NLE1: variants seen among roughly 807,000 people sequenced by gnomAD.
NLE1 encodes notchless homolog 1.
A neutral mutation model predicts 62.8 loss-of-function variants in NLE1; 37 were observed. That is an observed-to-expected ratio of 0.59 (90% CI 0.45 to 0.78). NLE1 has a LOEUF of 0.78. Among genes scored for constraint, NLE1 ranks in the 30% least tolerant of loss-of-function variants. The pLI is 0.00. For missense variants in NLE1, 555 were observed against 637.9 expected, an observed-to-expected ratio of 0.87 and a Z score of 1.40; for synonymous variants, 243 against 253.0, an observed-to-expected ratio of 0.96 and a Z score of 0.37.
intron 9 of NLE1, 123 bp from the exon 10 acceptor site, chr17:35,135,574 A>G (rs2091903602): frequency 1.3e-6 from 1 of 791,930 alleles, no homozygotes; most frequent in Admixed American, 2.3e-5. Context: ...GGCCAGCGCT[A>G]GGAGCAATGA....
At position 35,133,480 on chromosome 17, in the gene NLE1, G is replaced by A. The variant is rs147757651; in HGVS notation, c.1233C>T (p.Arg411=). Residue 411 remains arginine, a synonymous_variant, in exon 11 of 13, where the codon CGC becomes CGT. Coordinates refer to ENST00000442241, the MANE Select transcript of NLE1 (RefSeq NM_018096.5). ...TCTGGTACACGGCAGCCACGTGGCC[G>A]CGTAGGGAAGCCAGGTACCTGGTCC... ...GRTGKYLASL[R]GHVAAVYQIA... The A allele has an allele frequency of 2.1e-5, 34 of 1,612,456 alleles. No individual in the cohort carries two copies. The highest frequency in any genetic ancestry group is 8.0e-5 in the African/African-American group (6 of 75,042).
In NLE1 at chr17:35,135,756, T is replaced by C. The variant is rs1046333825; in HGVS notation, c.1012-305A>G. 2.0e-5 allele frequency among the ~76,000 whole-genome samples: 3 copies of C among 152,226 alleles called. No individual in the cohort carries two copies. In the East Asian group the frequency reaches 5.8e-4, roughly 29 times the overall value. ...TTATGTATGTATGCATGTGTGTGTG[T>C]GCTTATACATATATACTGTATATAG... On this transcript the variant is annotated intron_variant, in intron 9 of 12. Coordinates refer to ENST00000442241, the MANE Select transcript of NLE1 (RefSeq NM_018096.5).
rs550657514 is a variant in NLE1, at chr17:35,137,257, C to A, written c.636-64G>T. ...CAACATCTGTGTGCCCATGGCACCT[C>A]CCCATTCCCAACTTAAAGGCCATGG... On this transcript the variant is annotated intron_variant, in intron 6 of 12. Coordinates refer to ENST00000442241, the MANE Select transcript of NLE1 (RefSeq NM_018096.5). 7.0e-6 allele frequency: 10 copies of A among 1,422,546 alleles called. No individual in the cohort carries two copies. In the East Asian group the frequency reaches 2.2e-4, roughly 31 times the overall value. 88.1% of individuals were successfully genotyped at this position (1,422,546 alleles called of 1,614,324 possible). A position where few individuals can be genotyped will look rare whatever the true frequency, so the allele number is the denominator to read the frequency against.
At position 35,130,629 on chromosome 17, in the gene NLE1, G is replaced by T; in HGVS notation, c.*1808C>A. On this transcript the variant is annotated 3_prime_UTR_variant, in exon 13 of 13. Transcript: ENST00000442241. ...ATTCACCTGGAGGCATCTCAGGCCA[G>T]GCCATGCCAGGCTCAGCCACTGCCC... is the stretch of plus-strand genomic sequence containing the variant. The T allele has an allele frequency of 1.7e-6, 1 of 587,286 alleles. No homozygotes were observed. The highest frequency in any genetic ancestry group is 3.0e-6 in the Non-Finnish European group (1 of 335,746). The allele number at this position is 587,286 out of a possible 1,614,324, so 36.4% of individuals were successfully genotyped here. A position where few individuals can be genotyped will look rare whatever the true frequency, so the allele number is the denominator to read the frequency against.
chr17:35,142,264 T>C lies in NLE1; in HGVS notation c.12A>G (p.Ala4=), dbSNP rs1389831462. The C allele has an allele frequency of 6.5e-7, 1 of 1,543,700 alleles. No homozygotes were observed. Among genetic ancestry groups the C allele is most frequent in the Admixed American group, 2.0e-5 (1 of 50,550 alleles). MAA[A]VPDEAVARDV... is the part of the protein sequence containing the mutation. ...CCCATCCACGCACACCCACCGGCAC[T>C]GCTGCCGCCATCCTGCGTCCCCACG... Residue 4 remains alanine (A), a synonymous_variant, in exon 1 of 13, where the codon GCA becomes GCG. Coordinates refer to ENST00000442241, the MANE Select transcript of NLE1 (RefSeq NM_018096.5).
intron 10 of NLE1, 82 bp downstream of exon 10, chr17:35,135,167 G>T: frequency 3.8e-6 from 5 of 1,329,372 alleles, no homozygotes; most frequent in South Asian, 1.2e-5. Flanking sequence ...CACCTGCCAA[G>T]GCCATACAGC....
intron 2 of NLE1, among the ~76,000 whole-genome samples, chr17:35,141,214 G>A (rs1200880536): frequency 6.6e-6 from 1 of 152,162 alleles, no homozygotes; most frequent in Non-Finnish European, 1.5e-5. Context: ...GACCTCCCCT[G>A]TCCCCAGGGC....
intron 10 of NLE1, among the ~76,000 whole-genome samples, chr17:35,134,734 T>C (rs1446030603): frequency 6.6e-6 from 1 of 151,916 alleles, no homozygotes; most frequent in Admixed American, 6.6e-5. Context: ...TTAGTGCGGG[T>C]CCTAAACATA....
At position 35,129,922 on chromosome 17, in the gene NLE1, G is replaced by C; in HGVS notation, c.*2515C>G. ...CCCCTTCCAAAGCCATTGGTTTTTA[G>C]ACTCTGCAATTCAGTGCCCATGATT... On this transcript the variant is annotated 3_prime_UTR_variant, in exon 13 of 13. Coordinates refer to ENST00000442241, the MANE Select transcript of NLE1 (RefSeq NM_018096.5). The C allele has an allele frequency of 1.4e-6, 2 of 1,389,986 alleles. No homozygotes were observed. Among genetic ancestry groups the C allele is most frequent in the Non-Finnish European group, 1.9e-6 (2 of 1,072,476 alleles). The allele number at this position is 1,389,986 out of a possible 1,614,324, so 86.1% of individuals were successfully genotyped here. A position where few individuals can be genotyped will look rare whatever the true frequency, so the allele number is the denominator to read the frequency against.
At chr17:35,141,651 C>T (rs978191944) in intron 2 of NLE1, among the ~76,000 whole-genome samples, 3 of 152,090 alleles carry the variant, frequency 2.0e-5, no homozygotes, top group African/African-American at 7.2e-5. Context: ...TACTACATAG[C>T]ATCGTGCAAA....
In NLE1 at chr17:35,137,578, C is replaced by T. The variant is rs1776614627; in HGVS notation, c.600G>A (p.Lys200=). 1.2e-6 allele frequency: 2 copies of T among 1,610,642 alleles called. No homozygotes were observed. The highest frequency in any genetic ancestry group is 1.7e-6 in the Non-Finnish European group (2 of 1,179,986). The part of the protein sequence containing the change: ...QVGRTLAGHS[K]WITGLSWEPL... ...GCTCCCAGCTCAGGCCTGTGATCCA[C>T]TTGCTGTGGCCAGCGAGGGTCCTGC... Residue 200 remains lysine, a synonymous_variant, in exon 6 of 13, where the codon AAG becomes AAA. Coordinates refer to ENST00000442241, the MANE Select transcript of NLE1 (RefSeq NM_018096.5).
rs1287086012 is a variant in NLE1 at position 35,136,426 on chromosome 17, G to A, written c.900C>T (p.Ala300=). The A allele has an allele frequency of 1.9e-6, 3 of 1,614,046 alleles. No individual in the cohort carries two copies. The South Asian group carries it at 3.3e-5, about 18-fold the overall frequency. The part of the protein sequence containing the change: ...VNTMALSTDY[A]LRTGAFEPAE... ...CAGGTTCAAAGGCCCCAGTGCGCAG[G>A]GCATAGTCAGTGCTGAGGGCCATGG... is the stretch of plus-strand genomic sequence containing the variant. Residue 300 remains alanine, a synonymous_variant, in exon 8 of 13, where the codon GCC becomes GCT. Transcript: ENST00000442241.
chr17:35,137,932 C>G (rs778910237), intron 4 of NLE1, 42 bp from the exon 5 acceptor site: 14 of 1,504,646 alleles, frequency 9.3e-6, no homozygotes, highest in Non-Finnish European at 1.2e-5. Flanking sequence ...CTACATCTGT[C>G]TTTATCCCAA....
At position 35,140,034 on chromosome 17, in the gene NLE1, G is replaced by A. The variant is rs148444872; in HGVS notation, c.195C>T (p.His65=). 1.0e-4 allele frequency: 161 copies of A among 1,613,810 alleles called. No individual in the cohort carries two copies. The Middle Eastern group carries it at 1.7e-3, about 17-fold the overall frequency. The change falls in exon 3 of 13, where the codon CAC becomes CAT. Residue 65 remains histidine (H), a synonymous_variant. Transcript: ENST00000442241. The part of the protein sequence containing the change: ...EDPLPLAFFV[H]DAEIVSSLGK... The stretch of plus-strand genomic sequence containing the variant: ...CCAGTGAGGAGACGATCTCAGCATC[G>A]TGGACAAAGAAAGCCAGTGGCAGGG...
chr17:35,136,597 T>C (rs2091910391), intron 7 of NLE1, 100 bp from the exon 8 acceptor site: 2 of 1,402,672 alleles, frequency 1.4e-6, no homozygotes, highest in South Asian at 1.4e-5. Flanking sequence ...TCATCATCAC[T>C]CATGCATTGT....
At chr17:35,136,140 A>G in intron 9 of NLE1, 29 bp downstream of exon 9, 3 of 1,612,966 alleles carry the variant, frequency 1.9e-6, no homozygotes, top group Non-Finnish European at 2.5e-6. Context: ...GTACAGAGCT[A>G]GGGGTGCACG....
Position 35,140,055 on chromosome 17 carries a change from C to G in NLE1, c.174G>C (p.Leu58=), listed in dbSNP as rs903754720. 4.3e-6 allele frequency: 7 copies of G among 1,613,284 alleles called. No homozygotes were observed. Among genetic ancestry groups the G allele is most frequent in the Non-Finnish European group, 5.9e-6 (7 of 1,179,960 alleles). ...CNALLAQEDP[L]PLAFFVHDAE... The stretch of plus-strand genomic sequence containing the variant: ...CATCGTGGACAAAGAAAGCCAGTGG[C>G]AGGGGATCCTCCTGAAGGACAATGG... The change falls in exon 3 of 13, where the codon CTG becomes CTC. Residue 58 remains leucine, a synonymous_variant. Transcript: ENST00000442241.
At chr17:35,137,478 G>A in intron 6 of NLE1, 65 bp downstream of exon 6, 1 of 1,333,282 alleles carries the variant, frequency 7.5e-7, no homozygotes, top group Non-Finnish European at 1.1e-6. Context: ...CTATGCATTG[G>A]GCAGGGAAAG....
chr17:35,135,511 C>G (rs923149441), intron 9 of NLE1, 60 bp from the exon 10 acceptor site: 4 of 1,505,202 alleles, frequency 2.7e-6, no homozygotes, highest in Admixed American at 1.7e-5. Context: ...GAGGAGGGCC[C>G]GACTTTGGCA....
Sources: gnomAD v4.1 joint callset for allele counts (sites outside exome capture counted in the v4.1 genomes callset) on GRCh38, gnomAD v4.1.1 for gene constraint, MANE v1.5 for transcripts, NCBI Gene and HGNC (gene_info 2026-07-23, HGNC 2026-07-21) for gene names.